The following CYP19A1 variants were observed in gnomAD, a reference collection of about 807,000 sequenced individuals.
CYP19A1 encodes cytochrome P450 family 19 subfamily A member 1, also known as aromatase.
A neutral mutation model predicts 44.4 loss-of-function variants in CYP19A1; 32 were observed. The observed-to-expected ratio is 0.72, with a 90% CI of 0.54 to 0.97. The LOEUF is 0.97. CYP19A1 is among the 50% of genes least tolerant of loss of function. The pLI is 0.00. For synonymous variants in CYP19A1, 212 were observed against 215.6 expected (o/e 0.98, Z 0.14); for missense variants, 598 against 637.8 (o/e 0.94, Z 0.67).
At chr15:51,287,733 A>G (rs1394341265) in intron 1 of CYP19A1, among the ~76,000 whole-genome samples, 1 of 152,138 alleles carries the variant, frequency 6.6e-6, no homozygotes. Flanking sequence ...GTTTTCTTCA[A>G]TGGTCTGGGG....
At chr15:51,281,031 A>ATGCCACCC (rs1465633127) in intron 1 of CYP19A1, among the ~76,000 whole-genome samples, 11 of 152,176 alleles carry the variant, frequency 7.2e-5, no homozygotes, top group African/African-American at 1.2e-4. Flanking sequence ...GTGTTCCCTG[A>ATGCCACCC]TGCCACCCCC....
At chr15:51,277,067 A>G (rs775089097) in intron 1 of CYP19A1, 19 of 152,200 alleles carry the variant, frequency 1.2e-4, no homozygotes, top group Non-Finnish European at 2.5e-4. Context: ...AAATAAAGAA[A>G]GAAAAAGAGA....
chr15:51,267,870 A>T (rs1428565438), intron 1 of CYP19A1, among the ~76,000 whole-genome samples: 3 of 152,180 alleles, frequency 2.0e-5, no homozygotes, highest in South Asian at 2.1e-4. Flanking sequence ...ACCCCAGCTT[A>T]GCAGGCGAGA....
chr15:51,324,793 TTTA>T (rs1330882733), intron 1 of CYP19A1, among the ~76,000 whole-genome samples: 2 of 152,194 alleles, frequency 1.3e-5, no homozygotes, highest in African/African-American at 4.8e-5. Context: ...ATCTAGAATT[TTTA>T]TTATCAGTTC....
chr15:51,326,648 T>A (rs1023432945), intron 1 of CYP19A1, among the ~76,000 whole-genome samples: 7 of 152,084 alleles, frequency 4.6e-5, no homozygotes, highest in Admixed American at 1.3e-4. Flanking sequence ...TAGAATGGAG[T>A]TGTATAACAG....
intron 1 of CYP19A1, among the ~76,000 whole-genome samples, chr15:51,284,824 G>C (rs1328545610): frequency 6.6e-6 from 1 of 152,218 alleles, no homozygotes; most frequent in African/African-American, 2.4e-5. Context: ...AAGAAGATTT[G>C]CTTGTGTCTC....
In CYP19A1 at chr15:51,276,145, G is replaced by C. The variant is rs899435473; in HGVS notation, c.-38-33195C>G. On this transcript the variant is annotated intron_variant, in intron 1 of 9. Coordinates refer to ENST00000396402, the MANE Select transcript of CYP19A1 (RefSeq NM_000103.4). ...CAGGCATGTGTGTGAATGTAAGTGCGTGTCTCAGAAATAACTAATCCTAAC... is the reference window on the plus strand; with the variant it reads ...CAGGCATGTGTGTGAATGTAAGTGCCTGTCTCAGAAATAACTAATCCTAAC... Among the ~76,000 whole-genome samples, 15 of 152,138 alleles carry C rather than the reference G, an allele frequency of 9.9e-5. 1 individual carries two copies.
intron 1 of CYP19A1, among the ~76,000 whole-genome samples, chr15:51,265,097 C>T (rs920025863): frequency 3.3e-5 from 5 of 152,228 alleles, no homozygotes; most frequent in South Asian, 2.1e-4. Flanking sequence ...ACTTGCCCTG[C>T]GCTCCATGCA....
chr15:51,222,145 G>C, intron 5 of CYP19A1: 1 of 860,618 alleles, frequency 1.2e-6, no homozygotes, highest in South Asian at 1.9e-5. Flanking sequence ...AAGGCTAGTA[G>C]ATGCTGGCCC....
rs113389978 is a variant in CYP19A1 at position 51,319,839 on chromosome 15, G to A, written c.-39+18656C>T. Among the ~76,000 whole-genome samples the A allele has an allele frequency of 3.0e-3, 460 of 151,948 alleles. 1 individual carries two copies. Among genetic ancestry groups the A allele is most frequent in the Middle Eastern group, 0.024 (7 of 292 alleles). ...GATCCAGCTCTACCTTAATAGTCAGGTGATCTCTATCAGGTCATTTGTATT... is the reference window on the plus strand; with the variant it reads ...GATCCAGCTCTACCTTAATAGTCAGATGATCTCTATCAGGTCATTTGTATT... On this transcript the variant is annotated intron_variant, in intron 1 of 9. Coordinates refer to ENST00000396402, the MANE Select transcript of CYP19A1 (RefSeq NM_000103.4).
intron 1 of CYP19A1, among the ~76,000 whole-genome samples, chr15:51,283,538 C>A (rs1012246481): frequency 1.2e-4 from 19 of 152,222 alleles, no homozygotes; most frequent in African/African-American, 4.3e-4. Flanking sequence ...CATAAGGCTA[C>A]TCTTTCAGCT....
chr15:51,217,276 G>A (rs746674752), intron 6 of CYP19A1, among the ~76,000 whole-genome samples: 8 of 152,130 alleles, frequency 5.3e-5, no homozygotes, highest in Admixed American at 2.0e-4. Context: ...AAGAGAATCC[G>A]TTATACAGAC....
Position 51,215,078 on chromosome 15 carries a change from G to A in CYP19A1, c.1013C>T (p.Thr338Ile). The A allele has an allele frequency of 6.2e-7, 1 of 1,613,604 alleles. No individual in the cohort carries two copies. The change falls in exon 8 of 10, where the codon ACT becomes ATT. Residue 338 changes from threonine (T) to isoleucine (I), a missense_variant. Thr to Ile is a moderately conservative substitution (Grantham distance 89, BLOSUM62 -1). Transcript: ENST00000396402. ...VEEAIIKEIQ[T>I]VIGERDIKID... ...ATTTGATAAATTCTTACCAATAACA[G>A]TCTGGATTTCCTTTATTATTGCCTC...
At chr15:51,296,739 A>C (rs938053781) in intron 1 of CYP19A1, among the ~76,000 whole-genome samples, 1 of 152,170 alleles carries the variant, frequency 6.6e-6, no homozygotes, top group Non-Finnish European at 1.5e-5. Context: ...ACTTAGCAAA[A>C]TTTAAAAATG....
chr15:51,257,823 C>T (rs1487448613), intron 1 of CYP19A1, among the ~76,000 whole-genome samples: 1 of 152,142 alleles, frequency 6.6e-6, no homozygotes, highest in Non-Finnish European at 1.5e-5. Context: ...ATTTTTGGAT[C>T]CTAGTGCTAC....
At chr15:51,328,396 C>T (rs2036645836) in intron 1 of CYP19A1, among the ~76,000 whole-genome samples, 1 of 152,182 alleles carries the variant, frequency 6.6e-6, no homozygotes, top group Non-Finnish European at 1.5e-5. Context: ...GAGCATCTGA[C>T]ATCCCCCCCT....
intron 1 of CYP19A1, among the ~76,000 whole-genome samples, chr15:51,264,744 C>T (rs973116887): frequency 6.6e-6 from 1 of 152,086 alleles, no homozygotes; most frequent in Non-Finnish European, 1.5e-5. Context: ...AAAGTAGTAG[C>T]AGTCCCTTGG....
At chr15:51,222,299 T>C in intron 5 of CYP19A1, 50 bp downstream of exon 5, 1 of 1,613,888 alleles carries the variant, frequency 6.2e-7, no homozygotes. Context: ...CCTAGCTCCT[T>C]GTTCAGTAAA....
At chr15:51,258,210 G>A (rs921444918) in intron 1 of CYP19A1, among the ~76,000 whole-genome samples, 2 of 152,088 alleles carry the variant, frequency 1.3e-5, no homozygotes, top group Non-Finnish European at 2.9e-5. Context: ...GCAAAGGACC[G>A]GAGGCAGTAG....
Sources: gnomAD v4.1 joint callset for allele counts (sites outside exome capture counted in the v4.1 genomes callset) on GRCh38, gnomAD v4.1.1 for gene constraint, MANE v1.5 for transcripts, NCBI Gene and HGNC (gene_info 2026-07-23, HGNC 2026-07-21) for gene names.